Variants in WDR59 observed in about 807,000 individuals in gnomAD.
WDR59 encodes the protein WD repeat domain 59.
WDR59 carries 100 observed loss-of-function variants against 131.2 expected under a neutral mutation model. The ratio of observed to expected loss-of-function variants is 0.76; its 90% confidence interval spans 0.65 to 0.90. WDR59 has a LOEUF of 0.90. Ranked by LOEUF, WDR59 falls within the 40% of genes least tolerant of loss-of-function variation. The pLI is 0.00. For missense variants in WDR59, 1,203 were observed against 1,262.2 expected, an observed-to-expected ratio of 0.95 and a Z score of 0.71; for synonymous variants, 601 against 466.2, an observed-to-expected ratio of 1.29 and a Z score of -3.72.
chr16:74,925,467 C>A (rs1311083872), intron 8 of WDR59, among the ~76,000 whole-genome samples: 1 of 150,808 alleles, frequency 6.6e-6, no homozygotes, highest in Non-Finnish European at 1.5e-5. Context: ...TTGCTTGAAC[C>A]CGGGAGGCAG....
intron 1 of WDR59, 135 bp from the exon 2 acceptor site, chr16:74,965,957 G>T: frequency 1.3e-6 from 1 of 784,298 alleles, no homozygotes; most frequent in Non-Finnish European, 2.1e-6. Flanking sequence ...CTCTACAGTG[G>T]ATGCTTCTAC....
intron 18 of WDR59, among the ~76,000 whole-genome samples, chr16:74,902,157 T>C (rs1444926422): frequency 6.6e-6 from 1 of 152,188 alleles, no homozygotes; most frequent in Non-Finnish European, 1.5e-5. Flanking sequence ...AACTTTTGTG[T>C]ATTTGGTATA....
intron 2 of WDR59, chr16:74,959,213 C>T (rs191817508): frequency 2.8e-4 from 71 of 254,306 alleles, no homozygotes; most frequent in African/African-American, 1.4e-3. Context: ...GCAGCACTCA[C>T]GACTCTGCCT....
chr16:74,938,990 T>C (rs1320315144), intron 7 of WDR59, among the ~76,000 whole-genome samples: 2 of 151,872 alleles, frequency 1.3e-5, no homozygotes, highest in Admixed American at 6.6e-5. Context: ...CAAAGGAGAA[T>C]GAATGTACAT....
chr16:74,914,172 A>G (rs12444256), intron 13 of WDR59, among the ~76,000 whole-genome samples: 14,616 of 152,230 alleles, frequency 0.096, 775 homozygotes, highest in Admixed American at 0.14. Flanking sequence ...CGGTAGCACC[A>G]CTGCACTCCA....
At chr16:74,972,346 G>A (rs970611220) in intron 1 of WDR59, among the ~76,000 whole-genome samples, 6 of 152,192 alleles carry the variant, frequency 3.9e-5, no homozygotes, top group East Asian at 1.9e-4. Flanking sequence ...TGCTGTCCTC[G>A]TTTAAAAAAT....
intron 8 of WDR59, among the ~76,000 whole-genome samples, chr16:74,935,552 T>C (rs1221769445): frequency 6.6e-6 from 1 of 151,768 alleles, no homozygotes; most frequent in Non-Finnish European, 1.5e-5. Flanking sequence ...AAAATAAAAA[T>C]ATAATAAAAA....
intron 8 of WDR59, among the ~76,000 whole-genome samples, chr16:74,937,544 C>G (rs2031900295): frequency 6.6e-6 from 1 of 152,132 alleles, no homozygotes; most frequent in Admixed American, 6.5e-5. Flanking sequence ...CTCGGTCGCC[C>G]AGGTTGGAGT....
At chr16:74,929,822 T>C (rs551932563) in intron 8 of WDR59, among the ~76,000 whole-genome samples, 1 of 152,294 alleles carries the variant, frequency 6.6e-6, no homozygotes, top group South Asian at 2.1e-4. Context: ...ATGTAGTGCA[T>C]ATACACAATG....
At chr16:74,919,048 G>C (rs1260132297) in intron 10 of WDR59, among the ~76,000 whole-genome samples, 1 of 152,116 alleles carries the variant, frequency 6.6e-6, no homozygotes, top group Non-Finnish European at 1.5e-5. Context: ...CCCTGACTTT[G>C]ACGAAAAGGT....
intron 6 of WDR59, among the ~76,000 whole-genome samples, chr16:74,945,388 A>G (rs2032545724): frequency 6.6e-6 from 1 of 151,576 alleles, no homozygotes; most frequent in African/African-American, 2.4e-5. Flanking sequence ...GAGGCAGGAG[A>G]ATGGCGAGAA....
chr16:74,967,857 CAAAA>C (rs10585403), intron 1 of WDR59, among the ~76,000 whole-genome samples: 8 of 114,294 alleles, frequency 7.0e-5, no homozygotes, highest in Admixed American at 9.0e-5. Context: ...GACTCGGTCT[CAAAA>C]AAAAAAAAAA....
chr16:74,905,105 G>GACCGAGACCATCC, intron 17 of WDR59, among the ~76,000 whole-genome samples: 1 of 152,224 alleles, frequency 6.6e-6, no homozygotes, highest in African/African-American at 2.4e-5. Flanking sequence ...GCCAGGTGCG[G>GACCGAGACCATCC]TGGCTCACGC....
intron 8 of WDR59, among the ~76,000 whole-genome samples, chr16:74,927,587 CAAAA>C (rs370386044): frequency 1.7e-5 from 1 of 57,960 alleles, no homozygotes; most frequent in Non-Finnish European, 2.8e-5. Context: ...GACTCCATCT[CAAAA>C]AAAAAAAAAA....
At chr16:74,975,315 C>G (rs1372882926) in intron 1 of WDR59, among the ~76,000 whole-genome samples, 1 of 151,990 alleles carries the variant, frequency 6.6e-6, no homozygotes, top group Non-Finnish European at 1.5e-5. Context: ...GAGCCTATAT[C>G]GCGCCACTGC....
At chr16:74,957,077 T>G (rs919011154) in intron 2 of WDR59, among the ~76,000 whole-genome samples, 4 of 143,070 alleles carry the variant, frequency 2.8e-5, no homozygotes, top group African/African-American at 1.0e-4. Context: ...ATATCTTTTT[T>G]TTTCTTTTTT....
chr16:74,877,998 C>G (rs7193545), intron 25 of WDR59, among the ~76,000 whole-genome samples: 144,325 of 152,280 alleles, frequency 0.95, 68,546 homozygotes, highest in East Asian at 1. Context: ...AGCTCTCACT[C>G]TCTACTATAA....
rs58120924 is a variant in WDR59, at chr16:74,971,426, C to CTTT, written c.55-5607_55-5605dup. On this transcript the variant is annotated intron_variant, in intron 1 of 25. Transcript: ENST00000262144. ...TCAGTTTTCCTTCCTTCTTTCCTTC[C>CTTT]TTTTTTTTTTTTTTTTTTTTTTTTG... Among the ~76,000 whole-genome samples the CTTT allele has an allele frequency of 5.7e-3, 513 of 90,174 alleles. 3 individuals are homozygous for CTTT. The highest frequency in any genetic ancestry group is 9.3e-3 in the African/African-American group (196 of 20,982). The allele number at this position is 90,174 out of a possible 152,430, so 59.2% of individuals were successfully genotyped here.
intron 2 of WDR59, among the ~76,000 whole-genome samples, chr16:74,960,862 C>T (rs1243537777): frequency 6.6e-6 from 1 of 151,632 alleles, no homozygotes; most frequent in Non-Finnish European, 1.5e-5. Flanking sequence ...ATACAGATTT[C>T]CAGATTTGAA....
Sources: allele counts gnomAD v4.1 joint callset (sites outside exome capture counted in the v4.1 genomes callset), GRCh38; gene constraint gnomAD v4.1.1; transcripts MANE v1.5; gene names NCBI Gene and HGNC (gene_info 2026-07-23, HGNC 2026-07-21).